The following DGUOK variants were observed in gnomAD, a reference collection of about 807,000 sequenced individuals.
DGUOK encodes the protein deoxyguanosine kinase.
A neutral mutation model predicts 36.6 loss-of-function variants in DGUOK; 30 were observed. The ratio of observed to expected loss-of-function variants is 0.82; its 90% CI spans 0.61 to 1.11. DGUOK has a LOEUF of 1.11. DGUOK is among the 50% of genes most tolerant of loss of function. DGUOK has a pLI of 0.00. For missense variants in DGUOK, 361 were observed against 336.4 expected (o/e 1.07, Z -0.57); for synonymous variants, 145 against 126.3 (o/e 1.15, Z -0.99).
intron 2 of DGUOK, among the ~76,000 whole-genome samples, chr2:73,942,090 A>T (rs1681948315): frequency 6.6e-6 from 1 of 151,852 alleles, no homozygotes; most frequent in Non-Finnish European, 1.5e-5. Context: ...TTGAATATTT[A>T]GTAGAGATGG....
chr2:73,944,574 C>T (rs1225242343), intron 2 of DGUOK, among the ~76,000 whole-genome samples: 1 of 152,168 alleles, frequency 6.6e-6, no homozygotes, highest in Non-Finnish European at 1.5e-5. Context: ...CTAGTCCTCT[C>T]CTTTTGAATT....
chr2:73,937,292 C>T (rs1681544924), intron 1 of DGUOK, among the ~76,000 whole-genome samples: 1 of 152,246 alleles, frequency 6.6e-6, no homozygotes, highest in Non-Finnish European at 1.5e-5. Context: ...TGTGGCCACA[C>T]CCATCTTGAG....
rs1426812763 is a variant in DGUOK, at chr2:73,957,174, T to C, written c.641T>C (p.Ile214Thr). The C allele has an allele frequency of 6.2e-7, 1 of 1,614,088 alleles. No homozygotes were observed. Among genetic ancestry groups the C allele is most frequent in the Admixed American group, 1.7e-5 (1 of 60,008 alleles). The change falls in exon 5 of 7, where the codon ATT (isoleucine) becomes ACT (threonine). Residue 214 changes from isoleucine to threonine, a missense_variant. Physicochemically the swap from Ile to Thr is moderately conservative, Grantham distance 89. Transcript: ENST00000264093. ...YQRAREEEKG[I>T]ELAYLEQLHG... ...AGGGCCAGGGAGGAGGAGAAAGGAA[T>C]TGAGCTGGCCTATCTAGAGCAGCTG...
chr2:73,937,190 A>T (rs894709153), intron 1 of DGUOK, among the ~76,000 whole-genome samples: 1 of 152,224 alleles, frequency 6.6e-6, no homozygotes, highest in Admixed American at 6.5e-5. Context: ...GTCTTAGCTC[A>T]GATGTCACTA....
At chr2:73,950,407 A>G (rs1418549670) in intron 3 of DGUOK, among the ~76,000 whole-genome samples, 178 bp from the exon 4 acceptor site, 2 of 152,108 alleles carry the variant, frequency 1.3e-5, no homozygotes, top group Non-Finnish European at 2.9e-5. Context: ...GCAGGGAGGG[A>G]GATATGGGTT....
At chr2:73,927,776 A>G (rs1321882366) in intron 1 of DGUOK, among the ~76,000 whole-genome samples, 1 of 152,274 alleles carries the variant, frequency 6.6e-6, no homozygotes, top group Non-Finnish European at 1.5e-5. Flanking sequence ...AAATGAAGGC[A>G]AAGCATTTCG....
At chr2:73,933,294 A>G (rs1681197382) in intron 1 of DGUOK, among the ~76,000 whole-genome samples, 1 of 152,132 alleles carries the variant, frequency 6.6e-6, no homozygotes, top group Non-Finnish European at 1.5e-5. Flanking sequence ...TCCCTCCATC[A>G]CTGTTCTCAT....
intron 4 of DGUOK, among the ~76,000 whole-genome samples, chr2:73,955,634 A>C (rs542973794): frequency 1.3e-5 from 2 of 152,240 alleles, no homozygotes; most frequent in African/African-American, 4.8e-5. Flanking sequence ...CAGCATTTTG[A>C]GAAGCCGAAG....
chr2:73,958,335 G>A (rs886650083), intron 6 of DGUOK, 90 bp downstream of exon 6: 2 of 1,000,126 alleles, frequency 2.0e-6, no homozygotes, highest in Non-Finnish European at 1.6e-6. Context: ...AATATCATGG[G>A]TCTTGTGCTT....
At chr2:73,936,606 G>A (rs1345153708) in intron 1 of DGUOK, among the ~76,000 whole-genome samples, 2 of 152,180 alleles carry the variant, frequency 1.3e-5, no homozygotes, top group African/African-American at 4.8e-5. Context: ...GTGGAAGGAT[G>A]CCCCCCTTCT....
intron 1 of DGUOK, among the ~76,000 whole-genome samples, chr2:73,937,429 C>G (rs186741266): frequency 1.5e-4 from 23 of 152,282 alleles, no homozygotes; most frequent in African/African-American, 5.3e-4. Context: ...GAGAGCAAGG[C>G]CAGCATCAGA....
chr2:73,957,198 T>G lies in DGUOK; in HGVS notation c.665T>G (p.Leu222Arg). Residue 222 changes from leucine (L) to arginine (R), a missense_variant, in exon 5 of 7, where the codon CTG becomes CGG. Coordinates refer to ENST00000264093, the MANE Select transcript of DGUOK (RefSeq NM_080916.3). ...ATTGAGCTGGCCTATCTAGAGCAGCTGCATGGCCAACACGAAGCCTGGCTT... is the reference window on the plus strand; with the variant it reads ...ATTGAGCTGGCCTATCTAGAGCAGCGGCATGGCCAACACGAAGCCTGGCTT... ...KGIELAYLEQLHGQHEAWLIH... is the reference protein window; with the variant it reads ...KGIELAYLEQRHGQHEAWLIH... The G allele has an allele frequency of 6.2e-7, 1 of 1,614,156 alleles. No homozygotes were observed. Among genetic ancestry groups the G allele is most frequent in the Non-Finnish European group, 8.5e-7 (1 of 1,180,016 alleles).
intron 2 of DGUOK, among the ~76,000 whole-genome samples, chr2:73,944,894 GTCC>G (rs1682171964): frequency 6.6e-6 from 1 of 152,124 alleles, no homozygotes; most frequent in Non-Finnish European, 1.5e-5. Flanking sequence ...ACACAAATTT[GTCC>G]TCCTACTTCT....
intron 5 of DGUOK, 71 bp downstream of exon 5, chr2:73,957,311 TCAGCATGCAGCC>T: frequency 8.9e-7 from 1 of 1,123,264 alleles, no homozygotes; most frequent in Non-Finnish European, 1.3e-6. Flanking sequence ...AAAAACAAGT[TCAGCATGCAGCC>T]CCCTGTAGGA....
intron 1 of DGUOK, among the ~76,000 whole-genome samples, chr2:73,927,499 A>T (rs549000466): frequency 2.6e-5 from 4 of 152,360 alleles, no homozygotes; most frequent in African/African-American, 9.6e-5. Flanking sequence ...CAGCAAAACA[A>T]CAACGAAATC....
intron 2 of DGUOK, among the ~76,000 whole-genome samples, chr2:73,943,677 T>C (rs2104929915): frequency 6.6e-6 from 1 of 152,066 alleles, no homozygotes; most frequent in African/African-American, 2.4e-5. Flanking sequence ...AAGATGGAGT[T>C]TTGCTCCTGT....
intron 2 of DGUOK, among the ~76,000 whole-genome samples, chr2:73,945,334 CT>C (rs1211518442): frequency 9.2e-5 from 14 of 152,322 alleles, no homozygotes. Context: ...CCTCATCACC[CT>C]CTTCCTTTTT....
chr2:73,958,839 C>A lies in DGUOK; in HGVS notation c.*103C>A. 1.0e-6 allele frequency: 1 copy of A among 955,122 alleles called. No individual in the cohort carries two copies. Among genetic ancestry groups the A allele is most frequent in the Non-Finnish European group, 1.7e-6 (1 of 583,264 alleles). The allele number at this position is 955,122 out of a possible 1,614,324, so 59.2% of individuals were successfully genotyped here. On this transcript the variant is annotated 3_prime_UTR_variant, in exon 7 of 7. Transcript: ENST00000264093. ...CCTTTCCATCCCCAGCCCCTCTCAT[C>A]CCTGGAGCACTCTGCCGCTCAAGAG...
At chr2:73,956,932 C>T (rs1042333040) in intron 4 of DGUOK, among the ~76,000 whole-genome samples, 193 bp from the exon 5 acceptor site, 3 of 152,172 alleles carry the variant, frequency 2.0e-5, no homozygotes, top group Admixed American at 2.0e-4. Context: ...AGAGGAAGAG[C>T]AGGTTTAAGG....
Sources: gnomAD v4.1 joint callset for allele counts (sites outside exome capture counted in the v4.1 genomes callset) on GRCh38, gnomAD v4.1.1 for gene constraint, MANE v1.5 for transcripts, NCBI Gene and HGNC (gene_info 2026-07-23, HGNC 2026-07-21) for gene names.